The following MED12L variants were observed in gnomAD, a reference collection of about 807,000 sequenced individuals.
The protein encoded by MED12L is mediator complex subunit 12L, also known as mediator of RNA polymerase II transcription subunit 12-like protein.
In MED12L, 60 loss-of-function variants were observed where a neutral mutation model predicts 281.3. The ratio of observed to expected loss-of-function variants is 0.21; its 90% confidence interval spans 0.17 to 0.26. The LOEUF is 0.26. MED12L is among the 10% of genes least tolerant of loss of function. MED12L has a pLI of 1.00. For synonymous variants in MED12L, 974 were observed against 987.2 expected (o/e 0.99, Z 0.25); for missense variants, 2,146 against 2,680.9 (o/e 0.80, Z 4.41).
intron 39 of MED12L, among the ~76,000 whole-genome samples, chr3:151,401,148 CTAATT>C (rs1237475842): frequency 1.3e-4 from 20 of 152,046 alleles, no homozygotes; most frequent in African/African-American, 4.8e-4. Context: ...TTTTTTGTAG[CTAATT>C]TAATTATTTC....
At chr3:151,242,998 C>T (rs1436351684) in intron 16 of MED12L, among the ~76,000 whole-genome samples, 27 of 151,622 alleles carry the variant, frequency 1.8e-4, no homozygotes, top group Admixed American at 8.5e-4. Context: ...ATGCGATCAA[C>T]TGGAAGAAAG....
chr3:151,380,597 CAAAAA>C (rs56792030), intron 32 of MED12L, among the ~76,000 whole-genome samples: 2 of 113,304 alleles, frequency 1.8e-5, no homozygotes, highest in South Asian at 2.8e-4. Context: ...AACTCTGTCT[CAAAAA>C]AAAAAAAAAA....
chr3:151,422,721 G>A (rs868254352), intron 43 of MED12L, among the ~76,000 whole-genome samples: 2 of 151,438 alleles, frequency 1.3e-5, no homozygotes, highest in East Asian at 1.9e-4. Context: ...TAATTCAACC[G>A]AAATAATAAC....
At chr3:151,295,600 G>C (rs149331649) in intron 16 of MED12L, among the ~76,000 whole-genome samples, 158 of 152,222 alleles carry the variant, frequency 1.0e-3, no homozygotes, top group African/African-American at 3.4e-3. Flanking sequence ...GCCAACACAT[G>C]GTTATTGTTT....
At chr3:151,341,566 C>CTT (rs56101716) in intron 16 of MED12L, among the ~76,000 whole-genome samples, 3,743 of 148,468 alleles carry the variant, frequency 0.025, 147 homozygotes, top group African/African-American at 0.084. Context: ...GCTGCTTTAA[C>CTT]TTTTTTTTTT....
At chr3:151,139,796 A>G (rs1716667710) in intron 5 of MED12L, among the ~76,000 whole-genome samples, 1 of 143,324 alleles carries the variant, frequency 7.0e-6, no homozygotes, top group Admixed American at 6.8e-5. Flanking sequence ...GTTGAAAATA[A>G]TTTGCTTTTG....
chr3:151,231,452 C>T (rs4680257), intron 16 of MED12L, among the ~76,000 whole-genome samples: 69,664 of 152,090 alleles, frequency 0.46, 16,515 homozygotes, highest in Middle Eastern at 0.6. Flanking sequence ...AATCTGGCAT[C>T]GTATGCCTCC....
chr3:151,262,386 A>AT (rs1559954536), intron 16 of MED12L, among the ~76,000 whole-genome samples: 1 of 152,188 alleles, frequency 6.6e-6, no homozygotes, highest in African/African-American at 2.4e-5. Context: ...GCACACTGAG[A>AT]TATCTCCAGA....
intron 16 of MED12L, among the ~76,000 whole-genome samples, chr3:151,241,528 T>C (rs1321697576): frequency 1.3e-5 from 2 of 152,152 alleles, no homozygotes; most frequent in Non-Finnish European, 2.9e-5. Flanking sequence ...TGGACTGATG[T>C]GGAGAGATGC....
In MED12L at chr3:151,213,659, A is replaced by T. The variant is rs776647428; in HGVS notation, c.2250+19993A>T. ...TTGACCGAAGTGGAATTCCGACTTGACTTAAGGTGGGACTTAAAGATTTTC... is the reference window on the plus strand; with the variant it reads ...TTGACCGAAGTGGAATTCCGACTTGTCTTAAGGTGGGACTTAAAGATTTTC... On this transcript the variant is annotated intron_variant, in intron 16 of 44. Coordinates refer to ENST00000687756, the MANE Select transcript of MED12L (RefSeq NM_001393769.1). 4 of 1,614,082 alleles carry T rather than the reference A, an allele frequency of 2.5e-6. No individual in the cohort carries two copies. The African/African-American group carries it at 5.3e-5, about 22-fold the overall frequency.
chr3:151,344,954 A>G (rs891556709), intron 16 of MED12L, among the ~76,000 whole-genome samples: 3 of 152,238 alleles, frequency 2.0e-5, no homozygotes, highest in African/African-American at 7.2e-5. Flanking sequence ...TTTTAAAGAA[A>G]TAAAGATGAA....
chr3:151,091,265 G>A (rs978821111), intron 2 of MED12L, among the ~76,000 whole-genome samples: 10 of 152,198 alleles, frequency 6.6e-5, no homozygotes, highest in African/African-American at 2.4e-4. Context: ...GCATGACTTA[G>A]GAGAGCTGGT....
At chr3:151,376,928 C>T (rs925988197) in intron 29 of MED12L, 54 bp downstream of exon 29, 2 of 1,609,878 alleles carry the variant, frequency 1.2e-6, no homozygotes, top group Non-Finnish European at 8.5e-7. Flanking sequence ...AAAGCAAAAA[C>T]ACGTTGATGT....
chr3:151,105,135 T>G (rs1200896984), intron 2 of MED12L, among the ~76,000 whole-genome samples: 1 of 152,204 alleles, frequency 6.6e-6, no homozygotes, highest in East Asian at 1.9e-4. Flanking sequence ...GGTCTGGTAC[T>G]AGCTATTGCC....
chr3:151,094,271 A>C (rs752474846), intron 2 of MED12L, among the ~76,000 whole-genome samples: 5 of 152,248 alleles, frequency 3.3e-5, no homozygotes, highest in African/African-American at 1.2e-4. Flanking sequence ...TTCTGGGAAC[A>C]CCATTCTCAG....
At chr3:151,365,256 T>C (rs773113952) in intron 22 of MED12L, 50 bp downstream of exon 22, 1 of 1,483,494 alleles carries the variant, frequency 6.7e-7, no homozygotes, top group South Asian at 1.1e-5. Context: ...GTTGTTGCCT[T>C]GGTGCTTCTT....
At chr3:151,342,282 C>A (rs549749932) in intron 16 of MED12L, among the ~76,000 whole-genome samples, 1 of 152,332 alleles carries the variant, frequency 6.6e-6, no homozygotes, top group East Asian at 1.9e-4. Context: ...CAGAAACACA[C>A]CTCCCTGGTG....
At chr3:151,189,679 A>G (rs1723716642) in intron 13 of MED12L, among the ~76,000 whole-genome samples, 1 of 152,190 alleles carries the variant, frequency 6.6e-6, no homozygotes, top group African/African-American at 2.4e-5. Context: ...GGTTTAGGGA[A>G]CTGAGCTTAA....
intron 5 of MED12L, among the ~76,000 whole-genome samples, chr3:151,138,372 A>G (rs1336934564): frequency 6.6e-6 from 1 of 152,162 alleles, no homozygotes; most frequent in Non-Finnish European, 1.5e-5. Flanking sequence ...GCATTCTCTC[A>G]CCCTTGCAAA....
Sources: gnomAD v4.1 joint callset for allele counts (sites outside exome capture counted in the v4.1 genomes callset) on GRCh38, gnomAD v4.1.1 for gene constraint, MANE v1.5 for transcripts, NCBI Gene and HGNC (gene_info 2026-07-23, HGNC 2026-07-21) for gene names.